Variants in ETNK1 observed in about 807,000 individuals in gnomAD.
ETNK1 encodes the protein putative protein product of Nbla10396.
Under a neutral mutation model 45.1 loss-of-function variants are expected in ETNK1, and 8 were observed. The ratio of observed to expected loss-of-function variants is 0.18; its 90% CI spans 0.10 to 0.32. The LOEUF (loss-of-function observed/expected upper bound fraction) is 0.32, where lower values mean the gene tolerates loss of function less well. ETNK1 is among the 10% of genes least tolerant of loss of function. ETNK1 has a pLI of 1.00. For synonymous variants in ETNK1, 152 were observed against 151.9 expected (o/e 1.00, Z -0.01); for missense variants, 302 against 430.6 (o/e 0.70, Z 2.64).
At chr12:22,636,384 A>G (rs1167306950) in intron 1 of ETNK1, among the ~76,000 whole-genome samples, 1 of 152,146 alleles carries the variant, frequency 6.6e-6, no homozygotes, top group Non-Finnish European at 1.5e-5. Context: ...AACATTTATT[A>G]TGGGATTTGT....
intron 5 of ETNK1, among the ~76,000 whole-genome samples, chr12:22,672,926 GAAAC>G (rs1162199399): frequency 6.6e-6 from 1 of 152,126 alleles, no homozygotes; most frequent in Non-Finnish European, 1.5e-5. Flanking sequence ...ATGGAAAAGA[GAAAC>G]AAAATCTCAG....
intron 4 of ETNK1, among the ~76,000 whole-genome samples, chr12:22,667,338 A>C (rs962525040): frequency 6.6e-6 from 1 of 152,090 alleles, no homozygotes; most frequent in Non-Finnish European, 1.5e-5. Context: ...CATTTTCTGC[A>C]AACTTCATTT....
At chr12:22,681,159 G>T (rs1376416233) in intron 6 of ETNK1, among the ~76,000 whole-genome samples, 2 of 151,812 alleles carry the variant, frequency 1.3e-5, no homozygotes, top group Non-Finnish European at 2.9e-5. Context: ...CATCCATTTA[G>T]AATCTACTGT....
chr12:22,632,372 CT>C (rs577573949), intron 1 of ETNK1, among the ~76,000 whole-genome samples: 370 of 152,050 alleles, frequency 2.4e-3, no homozygotes, highest in Admixed American at 9.5e-3. Context: ...ATTTTATATT[CT>C]TTTTTTCACT....
At chr12:22,674,784 G>C (rs1289157142) in intron 6 of ETNK1, among the ~76,000 whole-genome samples, 1 of 152,142 alleles carries the variant, frequency 6.6e-6, no homozygotes, top group Non-Finnish European at 1.5e-5. Flanking sequence ...GGATTTCCTT[G>C]CAAACTTTTG....
Position 22,685,981 on chromosome 12 carries a change from T to C in ETNK1, c.*1027T>C, listed in dbSNP as rs571990797. ...CACATTTTAGTTTCATGTTTTAGTT[T>C]GATTCTATGTTTTTAGACTGATAGC... On this transcript the variant is annotated 3_prime_UTR_variant, in exon 8 of 8. Transcript: ENST00000266517. 1.3e-5 allele frequency: 2 copies of C among 152,474 alleles called. No homozygotes were observed. The highest frequency in any genetic ancestry group is 3.9e-4 in the East Asian group (2 of 5,188). The allele number at this position is 152,474 out of a possible 1,614,324, so 9.4% of individuals were successfully genotyped here.
intron 1 of ETNK1, chr12:22,625,998 T>G: frequency 7.5e-6 from 3 of 400,830 alleles, no homozygotes; most frequent in South Asian, 5.7e-5. Flanking sequence ...GATCTTTCCT[T>G]CCTCTCCCCT....
In ETNK1 at chr12:22,671,375, T is replaced by G; in HGVS notation, c.784+20T>G. The stretch of plus-strand genomic sequence containing the variant: ...TTGCAGGTATAACTAATGGAGTAAC[T>G]TATTTAGCTTTGAAACGATATTTTC... On this transcript the variant is annotated intron_variant, in intron 5 of 7. Coordinates refer to ENST00000266517, the MANE Select transcript of ETNK1 (RefSeq NM_018638.5). 1.5e-6 allele frequency: 2 copies of G among 1,378,744 alleles called. No individual in the cohort carries two copies. Among genetic ancestry groups the G allele is most frequent in the South Asian group, 1.2e-5 (1 of 85,178 alleles). The allele number at this position is 1,378,744 out of a possible 1,614,324, so 85.4% of individuals were successfully genotyped here.
At position 22,625,313 on chromosome 12, in the gene ETNK1, C is replaced by T. The variant is rs780482974; in HGVS notation, c.-118C>T. The T allele has an allele frequency of 2.5e-6, 4 of 1,602,424 alleles. No individual in the cohort carries two copies. The highest frequency in any genetic ancestry group is 3.4e-6 in the Non-Finnish European group (4 of 1,175,706). On this transcript the variant is annotated 5_prime_UTR_variant, in exon 1 of 8. Transcript: ENST00000266517. ...CCGCTCGCCCGCCCGTCCCAGCGCC[C>T]CCAGCCCTCCCGCGAGGGCGCCCCG...
chr12:22,676,925 T>C (rs914363822), intron 6 of ETNK1, among the ~76,000 whole-genome samples: 4 of 152,184 alleles, frequency 2.6e-5, no homozygotes, highest in African/African-American at 9.6e-5. Flanking sequence ...GTCACATGGA[T>C]GGATTGCAAA....
At chr12:22,648,049 T>A (rs1177243781) in intron 2 of ETNK1, among the ~76,000 whole-genome samples, 1 of 151,956 alleles carries the variant, frequency 6.6e-6, no homozygotes, top group East Asian at 1.9e-4. Context: ...ATGAAGAGAT[T>A]TTCCTTTTAA....
chr12:22,629,518 T>C (rs1953547551), intron 1 of ETNK1, among the ~76,000 whole-genome samples: 1 of 152,134 alleles, frequency 6.6e-6, no homozygotes, highest in Non-Finnish European at 1.5e-5. Context: ...CTGTAACTCC[T>C]CTTAATATTG....
chr12:22,655,439 C>T (rs1294914138), intron 2 of ETNK1, among the ~76,000 whole-genome samples: 1 of 148,226 alleles, frequency 6.7e-6, no homozygotes, highest in African/African-American at 2.5e-5. Flanking sequence ...TGGGTTCAAG[C>T]AATTCTTCTG....
chr12:22,660,927 G>T, intron 3 of ETNK1, 136 bp from the exon 4 acceptor site: 1 of 672,578 alleles, frequency 1.5e-6, no homozygotes. Context: ...TTTTGAAATA[G>T]AATAATTGGT....
intron 3 of ETNK1, among the ~76,000 whole-genome samples, chr12:22,660,709 C>A (rs1953991031): frequency 6.6e-6 from 1 of 151,782 alleles, no homozygotes; most frequent in Admixed American, 6.6e-5. Flanking sequence ...TTATTAAATG[C>A]TTTGTGTCTT....
intron 2 of ETNK1, chr12:22,644,479 G>A (rs1291764421): frequency 2.7e-6 from 2 of 743,022 alleles, no homozygotes; most frequent in Non-Finnish European, 3.6e-6. Context: ...AAAGAATAAT[G>A]TCATATATGC....
intron 4 of ETNK1, among the ~76,000 whole-genome samples, chr12:22,662,511 C>T (rs1954015587): frequency 6.6e-6 from 1 of 151,988 alleles, no homozygotes; most frequent in South Asian, 2.1e-4. Context: ...CCTCCTGCCC[C>T]AGTCCCCTGA....
chr12:22,680,139 GT>G (rs1298735537), intron 6 of ETNK1, among the ~76,000 whole-genome samples: 3 of 152,094 alleles, frequency 2.0e-5, no homozygotes, highest in Non-Finnish European at 2.9e-5. Flanking sequence ...ATTCCCTAGT[GT>G]TCTGATTTGG....
chr12:22,678,566 A>T (rs753155612), intron 6 of ETNK1, among the ~76,000 whole-genome samples: 1 of 152,246 alleles, frequency 6.6e-6, no homozygotes, highest in Non-Finnish European at 1.5e-5. Flanking sequence ...TAAAGAGAGG[A>T]AGAACAACCT....
Sources: gnomAD v4.1 joint callset for allele counts (sites outside exome capture counted in the v4.1 genomes callset) on GRCh38, gnomAD v4.1.1 for gene constraint, MANE v1.5 for transcripts, NCBI Gene and HGNC (gene_info 2026-07-23, HGNC 2026-07-21) for gene names.